Variants in CCNH observed in about 807,000 individuals in gnomAD.
The protein encoded by CCNH is cyclin H.
Under a neutral mutation model 41.9 loss-of-function variants are expected in CCNH, and 31 were observed. That is an observed-to-expected ratio of 0.74 (90% CI 0.56 to 1.00). The LOEUF is 1.00. Among genes scored for constraint, CCNH ranks in the 50% least tolerant of loss-of-function variants. CCNH has a pLI of 0.00. For missense variants in CCNH, 362 were observed against 388.4 expected, an observed-to-expected ratio of 0.93 and a Z score of 0.57; for synonymous variants, 138 against 136.1, an observed-to-expected ratio of 1.01 and a Z score of -0.10.
intron 1 of CCNH, chr5:87,412,436 CTCT>C (rs75199963): frequency 1.3e-4 from 177 of 1,369,436 alleles, no homozygotes; most frequent in Middle Eastern, 2.8e-4. Context: ...ACTACTTACT[CTCT>C]TCTTCACTAC....
chr5:87,348,107 A>T (rs1758993097), intron 9 of CCNH, among the ~76,000 whole-genome samples: 1 of 152,000 alleles, frequency 6.6e-6, no homozygotes, highest in Non-Finnish European at 1.5e-5. Context: ...TGTCAGTAAG[A>T]TTTGTTGTAT....
At chr5:87,339,199 C>T (rs1057045229) in intron 9 of CCNH, among the ~76,000 whole-genome samples, 2 of 152,048 alleles carry the variant, frequency 1.3e-5, no homozygotes, top group African/African-American at 4.8e-5. Context: ...AATTCTCTTA[C>T]CTGCCTATTC....
chr5:87,365,832 T>G (rs1162710733), intron 9 of CCNH, among the ~76,000 whole-genome samples: 1 of 152,124 alleles, frequency 6.6e-6, no homozygotes, highest in East Asian at 1.9e-4. Flanking sequence ...TGACTGATGA[T>G]GAGGCTTCAC....
intron 5 of CCNH, 36 bp from the exon 6 acceptor site, chr5:87,401,808 A>G: frequency 1.6e-6 from 2 of 1,228,996 alleles, no homozygotes; most frequent in Non-Finnish European, 2.3e-6. Context: ...TATTGAAAAC[A>G]TACAGCACAT....
downstream of CCNH, chr5:87,374,463 T>A (rs201496266): frequency 5.3e-3 from 1,515 of 286,576 alleles, 6 homozygotes; most frequent in African/African-American, 0.013. Context: ...ATATATATTT[T>A]TTTTTTTTTT....
chr5:87,346,369 C>T (rs1461308016), intron 9 of CCNH, among the ~76,000 whole-genome samples: 2 of 150,478 alleles, frequency 1.3e-5, no homozygotes, highest in Non-Finnish European at 3.0e-5. Context: ...CCTTACCCCA[C>T]AAAAAGAAAA....
chr5:87,360,511 A>G (rs1327388592), intron 9 of CCNH, among the ~76,000 whole-genome samples: 1 of 152,204 alleles, frequency 6.6e-6, no homozygotes, highest in Non-Finnish European at 1.5e-5. Flanking sequence ...AGATTTTAAA[A>G]CACCAGTTAA....
At chr5:87,370,621 C>T (rs144452665) in intron 9 of CCNH, among the ~76,000 whole-genome samples, 1 of 152,258 alleles carries the variant, frequency 6.6e-6, no homozygotes, top group Non-Finnish European at 1.5e-5. Flanking sequence ...GATCGAGACA[C>T]TGTAAGCCAG....
chr5:87,389,316 A>G, downstream of CCNH: 1 of 1,566,840 alleles, frequency 6.4e-7, no homozygotes, highest in African/African-American at 1.4e-5. Flanking sequence ...GGGCAACAAG[A>G]GCGAAACTCT....
chr5:87,374,145 ATATTTT>A, downstream of CCNH: 1 of 1,348,510 alleles, frequency 7.4e-7, no homozygotes, highest in Non-Finnish European at 9.7e-7. Flanking sequence ...ATATATATAT[ATATTTT>A]TTTTTTTTTA....
downstream of CCNH, chr5:87,392,371 C>T (rs952718603): frequency 2.6e-5 from 12 of 455,480 alleles, no homozygotes; most frequent in East Asian, 2.1e-4. Context: ...CTTCAATCAC[C>T]GTTTAACACT....
the CCNH span, among the ~76,000 whole-genome samples, chr5:87,311,709 T>C: frequency 6.6e-6 from 1 of 152,280 alleles, no homozygotes; most frequent in South Asian, 2.1e-4. Context: ...AGGGATCTTT[T>C]GGGTATCTTT....
At chr5:87,329,961 T>A (rs1006953827) in intron 9 of CCNH, among the ~76,000 whole-genome samples, 1 of 152,192 alleles carries the variant, frequency 6.6e-6, no homozygotes, top group African/African-American at 2.4e-5. Flanking sequence ...AAGTTAAATT[T>A]ACTTGTCATT....
At chr5:87,403,535 T>C (rs1483849847) in intron 5 of CCNH, among the ~76,000 whole-genome samples, 1 of 152,138 alleles carries the variant, frequency 6.6e-6, no homozygotes, top group East Asian at 1.9e-4. Context: ...CCCAGCACTT[T>C]GGGAGGCCTA....
intron 9 of CCNH, among the ~76,000 whole-genome samples, chr5:87,323,346 G>T (rs1298168242): frequency 1.3e-5 from 2 of 152,178 alleles, no homozygotes; most frequent in Admixed American, 6.5e-5. Context: ...ATGAATAATT[G>T]TAACTTGTTT....
At chr5:87,364,885 G>T (rs545618907) in intron 9 of CCNH, among the ~76,000 whole-genome samples, 95 of 152,252 alleles carry the variant, frequency 6.2e-4, no homozygotes, top group Middle Eastern at 3.4e-3. Context: ...TATCCTGATA[G>T]AATGAGGAGA....
intron 9 of CCNH, chr5:87,341,395 A>G (rs1362690041): frequency 9.3e-7 from 1 of 1,072,960 alleles, no homozygotes; most frequent in Non-Finnish European, 1.2e-6. Context: ...AACTTTGGCC[A>G]AAAAAATTGT....
At position 87,406,637 on chromosome 5, in the gene CCNH, C is replaced by CA. The variant is rs202152269; in HGVS notation, c.525+1338dup. ...AAGCACAATGCAAATATTGCAAAAT[C>CA]AAAAAAAAAAAAAGTGTAATCCCAA... On this transcript the variant is annotated intron_variant, in intron 4 of 8. Coordinates refer to ENST00000256897, the MANE Select transcript of CCNH (RefSeq NM_001239.4). Among the ~76,000 whole-genome samples the CA allele has an allele frequency of 6.2e-3, 855 of 138,028 alleles. 6 individuals carry two copies. Among genetic ancestry groups the CA allele is most frequent in the African/African-American group, 0.015 (583 of 37,652 alleles). 90.6% of individuals were successfully genotyped at this position (138,028 alleles called of 152,430 possible). A position where few individuals can be genotyped will look rare whatever the true frequency, so the allele number is the denominator to read the frequency against.
chr5:87,400,172 T>C (rs990104912), intron 6 of CCNH, among the ~76,000 whole-genome samples: 15 of 152,230 alleles, frequency 9.9e-5, no homozygotes, highest in Non-Finnish European at 1.6e-4. Flanking sequence ...ATGGGCTTAT[T>C]ATTACTATTA....
Sources: allele counts gnomAD v4.1 joint callset (sites outside exome capture counted in the v4.1 genomes callset), GRCh38; gene constraint gnomAD v4.1.1; transcripts MANE v1.5; gene names NCBI Gene and HGNC (gene_info 2026-07-23, HGNC 2026-07-21).